MAK: variants seen among roughly 807,000 people sequenced by gnomAD.
MAK encodes male germ cell associated kinase.
Under a neutral mutation model 82.6 loss-of-function variants are expected in MAK, and 65 were observed. The ratio of observed to expected loss-of-function variants is 0.79; its 90% confidence interval spans 0.64 to 0.97. The LOEUF (loss-of-function observed/expected upper bound fraction) is 0.97. MAK is among the 50% of genes least tolerant of loss of function. The pLI is 0.00. For synonymous variants in MAK, 250 were observed against 274.2 expected (o/e 0.91, Z 0.87); for missense variants, 703 against 780.2 (o/e 0.90, Z 1.18).
At chr6:10,830,300 G>T (rs999892852) in intron 2 of MAK, among the ~76,000 whole-genome samples, 1 of 150,658 alleles carries the variant, frequency 6.6e-6, no homozygotes, top group Admixed American at 6.7e-5. Flanking sequence ...TGAGTAGCTG[G>T]GATTACAGGC....
At chr6:10,794,430 A>C (rs1013688081) in intron 9 of MAK, among the ~76,000 whole-genome samples, 2 of 152,196 alleles carry the variant, frequency 1.3e-5, no homozygotes, top group Admixed American at 1.3e-4. Flanking sequence ...AACAATAAAC[A>C]TAAGAAGTAA....
chr6:10,808,926 G>A lies in MAK; in HGVS notation c.375C>T (p.Asp125=), dbSNP rs773263219. 4.3e-6 allele frequency: 7 copies of A among 1,613,006 alleles called. No homozygotes were observed. Among genetic ancestry groups the A allele is most frequent in the Non-Finnish European group, 5.9e-6 (7 of 1,179,458 alleles). The change falls in exon 6 of 15, where the codon GAC becomes GAT. Residue 125 remains aspartate, a synonymous_variant. Coordinates refer to ENST00000354489, the MANE Select transcript of MAK (RefSeq NM_001242957.3). ...TACAAAGCAAGTTTTCTGGTTTCATGTCCCTATGAAAAAAGCCTTGATGAT... is the reference window on the plus strand; with the variant it reads ...TACAAAGCAAGTTTTCTGGTTTCATATCCCTATGAAAAAAGCCTTGATGAT... The part of the protein sequence containing the change: ...FIHKHGFFHR[D]MKPENLLCMG...
chr6:10,796,167 G>A lies in MAK; in HGVS notation c.974C>T (p.Pro325Leu), dbSNP rs371971492. Residue 325 changes from proline to leucine, a missense_variant, in exon 9 of 15, where the codon CCG becomes CTG. Pro to Leu is a moderately conservative substitution (Grantham distance 98). Transcript: ENST00000354489. ...SLVEVEPKPL[P>L]DIIDQVVGQP... ...TCCAACAACCTGATCGATTATATCCGGCAGAGGCTTAGGCTCTACCTCAAC... is the reference window on the plus strand; with the variant it reads ...TCCAACAACCTGATCGATTATATCCAGCAGAGGCTTAGGCTCTACCTCAAC... 3.9e-5 allele frequency: 63 copies of A among 1,614,018 alleles called. 1 individual carries two copies. In the Admixed American group the frequency reaches 5.0e-4, roughly 13 times the overall value.
intron 9 of MAK, 23 bp downstream of exon 9, chr6:10,795,975 A>G (rs374475471): frequency 1.9e-6 from 3 of 1,609,354 alleles, no homozygotes; most frequent in Non-Finnish European, 2.6e-6. Flanking sequence ...ATTTCATTGC[A>G]AGTGTCATGA....
At chr6:10,773,690 A>ATTT (rs34702806) in intron 12 of MAK, among the ~76,000 whole-genome samples, 11 of 136,738 alleles carry the variant, frequency 8.0e-5, no homozygotes, top group South Asian at 2.3e-4. Flanking sequence ...ACTATTAGTG[A>ATTT]TTTTTTTTTT....
At chr6:10,820,381 C>G (rs1232257281) in intron 2 of MAK, among the ~76,000 whole-genome samples, 1 of 152,138 alleles carries the variant, frequency 6.6e-6, no homozygotes, top group Non-Finnish European at 1.5e-5. Flanking sequence ...CACAACATCA[C>G]AGCCAAGAAC....
At chr6:10,794,307 CT>C (rs755764078) in intron 9 of MAK, among the ~76,000 whole-genome samples, 1 of 152,186 alleles carries the variant, frequency 6.6e-6, no homozygotes, top group Non-Finnish European at 1.5e-5. Context: ...CAAATATCTA[CT>C]GAGAATCTAC....
In MAK at chr6:10,830,825, T is replaced by C. The variant is rs944981482; in HGVS notation, c.-177A>G. 3.0e-6 allele frequency: 2 copies of C among 659,228 alleles called. No individual in the cohort carries two copies. The highest frequency in any genetic ancestry group is 5.6e-6 in the Non-Finnish European group (2 of 359,820). 40.8% of individuals were successfully genotyped at this position (659,228 alleles called of 1,614,324 possible). On this transcript the variant is annotated 5_prime_UTR_variant, in exon 2 of 15. The change creates a new upstream start codon in the 5' untranslated region. Coordinates refer to ENST00000354489, the MANE Select transcript of MAK (RefSeq NM_001242957.3). ...CCCAAGATTACAGAGGTTCATGAGATATAGCATGAAGGAATCGGGCAAGGA... is the reference window on the plus strand; with the variant it reads ...CCCAAGATTACAGAGGTTCATGAGACATAGCATGAAGGAATCGGGCAAGGA...
At chr6:10,798,038 A>G (rs1775701213) in intron 8 of MAK, 2 of 838,606 alleles carry the variant, frequency 2.4e-6, no homozygotes, top group Non-Finnish European at 2.9e-6. Flanking sequence ...TCCTAAATTA[A>G]TGATGCATAT....
At position 10,824,179 on chromosome 6, in the gene MAK, G is replaced by T. The variant is rs146247865; in HGVS notation, c.102-5239C>A. Among the ~76,000 whole-genome samples the T allele has an allele frequency of 2.0e-3, 298 of 152,264 alleles. 1 individual carries two copies. The Middle Eastern group carries it at 0.021, about 10-fold the overall frequency. On this transcript the variant is annotated intron_variant, in intron 2 of 14. Transcript: ENST00000354489. ...CGGCTATAGTGAATATTCAATGTAG[G>T]TTAAACTGATAACCCTGCCAGTAGC...
rs777909571 is a variant in MAK, at chr6:10,796,193, T to TA, written c.947dup (p.Leu316PhefsTer3). The stretch of plus-strand genomic sequence containing the variant: ...GCAGAGGCTTAGGCTCTACCTCAAC[T>TA]AAAGATGGCTTTGATTCTAATGGTT... On this transcript the variant is annotated frameshift_variant, in exon 9 of 15. Transcript: ENST00000354489. LOFTEE classifies it high-confidence loss of function. 7.4e-6 allele frequency: 12 copies of TA among 1,614,222 alleles called. No individual in the cohort carries two copies. The highest frequency in any genetic ancestry group is 1.7e-5 in the Admixed American group (1 of 60,022).
intron 14 of MAK, among the ~76,000 whole-genome samples, chr6:10,765,540 A>G (rs529883667): frequency 6.7e-6 from 1 of 148,272 alleles, no homozygotes; most frequent in Non-Finnish European, 1.5e-5. Flanking sequence ...GCTCACTGCA[A>G]CCTCCACCTC....
chr6:10,784,564 T>G lies in MAK; in HGVS notation c.1325A>C (p.Glu442Ala). 1 of 1,613,964 alleles carries G rather than the reference T, an allele frequency of 6.2e-7. No homozygotes were observed. The highest frequency in any genetic ancestry group is 8.5e-7 in the Non-Finnish European group (1 of 1,180,004). ...RKKDSPFRLP[E>A]PVPSGSNHST... ...GTGGTTGGAGCCTGAGGGTACTGGC[T>G]CTGGAAGCCTTGAAAGCCAATGAAA... Residue 442 changes from glutamate (E) to alanine (A), a missense_variant, in exon 11 of 15, where the codon GAG (glutamate) becomes GCG (alanine). Physicochemically the swap from Glu to Ala is moderately radical, Grantham distance 107. Transcript: ENST00000354489.
intron 14 of MAK, among the ~76,000 whole-genome samples, chr6:10,766,299 G>C (rs1267663019): frequency 6.6e-6 from 1 of 152,210 alleles, no homozygotes; most frequent in Non-Finnish European, 1.5e-5. Flanking sequence ...AGGGAATTCT[G>C]TGAGCATGTG....
rs748217533 is a variant in MAK at position 10,797,861 on chromosome 6, C to A, written c.832-1552G>T. 88 of 1,285,006 alleles carry A rather than the reference C, an allele frequency of 6.8e-5. 1 individual carries two copies. The South Asian group carries it at 1.1e-3, about 16-fold the overall frequency. 79.6% of individuals were successfully genotyped at this position (1,285,006 alleles called of 1,614,324 possible). ...CCCTAATTAGGTCTTTCCACTTCCA[C>A]TAAAAAGCAGGGCTGTGAAACAGAG... is the stretch of plus-strand genomic sequence containing the variant. On this transcript the variant is annotated intron_variant, in intron 8 of 14. Transcript: ENST00000354489.
intron 11 of MAK, among the ~76,000 whole-genome samples, chr6:10,780,466 T>A (rs1034560841): frequency 2.9e-4 from 43 of 150,584 alleles, no homozygotes; most frequent in African/African-American, 1.1e-3. Flanking sequence ...TTTTTTTTTT[T>A]TTTTTTTGAG....
At chr6:10,822,111 C>T (rs1398709369) in intron 2 of MAK, among the ~76,000 whole-genome samples, 2 of 142,616 alleles carry the variant, frequency 1.4e-5, no homozygotes, top group Non-Finnish European at 3.0e-5. Context: ...CGCACCACTG[C>T]ACTCCAGCCT....
chr6:10,811,569 C>T lies in MAK; in HGVS notation c.358+2075G>A, dbSNP rs189097825. 5.1e-4 allele frequency among the ~76,000 whole-genome samples: 78 copies of T among 152,318 alleles called. 1 individual carries two copies. The highest frequency in any genetic ancestry group is 1.7e-3 in the African/African-American group (72 of 41,568). ...CAACCCAGGCAAATGTCAAGTGTTA[C>T]CATGCTGACCAGAGTTTAAAACAAT... On this transcript the variant is annotated intron_variant, in intron 5 of 14. Transcript: ENST00000354489.
chr6:10,826,950 A>G (rs1389196084), intron 2 of MAK, among the ~76,000 whole-genome samples: 1 of 152,092 alleles, frequency 6.6e-6, no homozygotes, highest in Non-Finnish European at 1.5e-5. Flanking sequence ...CGTCTCTACT[A>G]AAAATGCAAA....
Sources: allele counts gnomAD v4.1 joint callset (sites outside exome capture counted in the v4.1 genomes callset), GRCh38; gene constraint gnomAD v4.1.1; transcripts MANE v1.5; gene names NCBI Gene and HGNC (gene_info 2026-07-23, HGNC 2026-07-21).